Variants in COPE observed in about 807,000 individuals in gnomAD.
COPE encodes the protein coatomer subunit epsilon.
In COPE, 19 loss-of-function variants were observed where a neutral mutation model predicts 42.1. The ratio of observed to expected loss-of-function variants is 0.45; its 90% CI spans 0.31 to 0.66. The LOEUF (loss-of-function observed/expected upper bound fraction) is 0.66. Ranked by LOEUF, COPE falls within the 30% of genes least tolerant of loss-of-function variation. COPE has a pLI of 0.05. For missense variants in COPE, 402 were observed against 416.1 expected, an observed-to-expected ratio of 0.97 and a Z score of 0.30; for synonymous variants, 195 against 181.3, an observed-to-expected ratio of 1.08 and a Z score of -0.60.
At chr19:18,911,927 C>T (rs945771679) in intron 2 of COPE, among the ~76,000 whole-genome samples, 3 of 150,108 alleles carry the variant, frequency 2.0e-5, no homozygotes, top group South Asian at 2.1e-4. Flanking sequence ...CTCAGCTCAC[C>T]GAAACCTCTG....
In COPE at chr19:18,905,557, G is replaced by A; in HGVS notation, c.497+19C>T. On this transcript the variant is annotated intron_variant, in intron 5 of 9. Coordinates refer to ENST00000262812, the MANE Select transcript of COPE (RefSeq NM_007263.4). ...TGGGCTGTGGCTCAGTGCGGGTGGA[G>A]AGGGGCAGGAGGGCTCACCGGGCGA... The A allele has an allele frequency of 6.3e-7, 1 of 1,583,202 alleles. No individual in the cohort carries two copies.
At chr19:18,919,129 G>A (rs2056887578) in intron 1 of COPE, 94 bp downstream of exon 1, 5 of 1,405,294 alleles carry the variant, frequency 3.6e-6, no homozygotes, top group Non-Finnish European at 2.9e-6. Context: ...GAGAAGAAAA[G>A]AGAAAGTTTT....
chr19:18,900,994 C>T (rs1029822276), intron 7 of COPE, among the ~76,000 whole-genome samples: 1 of 152,240 alleles, frequency 6.6e-6, no homozygotes, highest in South Asian at 2.1e-4. Flanking sequence ...GACCTGCCCA[C>T]GGCGGCCCAT....
chr19:18,909,608 T>C (rs1053381529), intron 3 of COPE, among the ~76,000 whole-genome samples: 6 of 151,710 alleles, frequency 4.0e-5, no homozygotes, highest in Non-Finnish European at 8.8e-5. Context: ...AACCTCTGCC[T>C]GCCAGGTTCA....
At chr19:18,905,498 G>A (rs1403766977) in intron 5 of COPE, 78 bp downstream of exon 5, 3 of 1,311,556 alleles carry the variant, frequency 2.3e-6, no homozygotes, top group Non-Finnish European at 1.0e-6. Flanking sequence ...CACCACAGAC[G>A]CTCTGGGCTG....
chr19:18,911,357 G>C (rs968127523), intron 2 of COPE: 1 of 432,962 alleles, frequency 2.3e-6, no homozygotes, highest in African/African-American at 2.0e-5. Flanking sequence ...CTGGTGGTGA[G>C]GTGAAGGGCG....
At chr19:18,909,074 C>A (rs975741327) in intron 3 of COPE, among the ~76,000 whole-genome samples, 8 of 152,240 alleles carry the variant, frequency 5.3e-5, no homozygotes, top group African/African-American at 1.9e-4. Flanking sequence ...AATGAGGTCG[C>A]GGCTGTGCAG....
intron 3 of COPE, among the ~76,000 whole-genome samples, chr19:18,909,754 C>T (rs2056793511): frequency 6.6e-6 from 1 of 152,140 alleles, no homozygotes; most frequent in Admixed American, 6.5e-5. Flanking sequence ...CTCAGGTGAT[C>T]TGCCCACCTC....
At chr19:18,903,531 TGG>T in intron 6 of COPE, 108 bp from the exon 7 acceptor site, 1 of 1,308,460 alleles carries the variant, frequency 7.6e-7, no homozygotes. Context: ...GAGACGAATC[TGG>T]TGTGCCCGGT....
In COPE at chr19:18,905,885, GC is replaced by G. The variant is rs1158760896; in HGVS notation, c.444-257del. ...CACTCACCGCCCATCTGGAGAAGCA[GC>G]CTCCATGGGCTGTGCTTCCAGATGG... On this transcript the variant is annotated intron_variant, in intron 4 of 9. Transcript: ENST00000262812. 9.3e-6 allele frequency: 5 copies of G among 540,400 alleles called. No individual in the cohort carries two copies. The East Asian group carries it at 1.7e-4, about 18-fold the overall frequency. The allele number at this position is 540,400 out of a possible 1,614,324, so 33.5% of individuals were successfully genotyped here.
At chr19:18,906,243 G>A (rs934277913) in intron 4 of COPE, 2 of 301,916 alleles carry the variant, frequency 6.6e-6, no homozygotes, top group Non-Finnish European at 1.2e-5. Context: ...AGGCTGGAGT[G>A]CAGTGGCACC....
Position 18,899,721 on chromosome 19 carries a change from G to T in COPE, c.885C>A (p.Asn295Lys). The part of the protein sequence containing the change: ...PFIKEYQAKE[N>K]DFDRLVLQYA... ...ACTGTAGCACCAGCCTGTCAAAGTC[G>T]TTCTCCTTTAGCAAGACACATGGCA... Residue 295 changes from asparagine (N) to lysine (K), a missense_variant, in exon 10 of 10, where the codon AAC becomes AAA. Asn to Lys is a moderately conservative substitution (Grantham distance 94, BLOSUM62 0). Coordinates refer to ENST00000262812, the MANE Select transcript of COPE (RefSeq NM_007263.4). 1 of 1,613,768 alleles carries T rather than the reference G, an allele frequency of 6.2e-7. No individual in the cohort carries two copies.
At chr19:18,903,238 G>T (rs373544000) in intron 7 of COPE, 30 bp downstream of exon 7, 2 of 1,534,588 alleles carry the variant, frequency 1.3e-6, no homozygotes. Flanking sequence ...CCTTCCCTCC[G>T]TCCCCACTCT....
chr19:18,911,101 C>T, intron 2 of COPE, 30 bp from the exon 3 acceptor site: 13 of 1,578,658 alleles, frequency 8.2e-6, no homozygotes, highest in African/African-American at 4.0e-5. Flanking sequence ...TCAGCTGCAC[C>T]CGTCCACCCC....
intron 4 of COPE, 127 bp from the exon 5 acceptor site, chr19:18,905,756 G>A (rs1477113013): frequency 1.1e-5 from 10 of 896,078 alleles, no homozygotes; most frequent in South Asian, 6.5e-5. Flanking sequence ...CACCAGCCCC[G>A]CCCAGCAGAG....
At chr19:18,919,066 C>G (rs780222844) in intron 1 of COPE, among the ~76,000 whole-genome samples, 157 bp downstream of exon 1, 5 of 152,260 alleles carry the variant, frequency 3.3e-5, no homozygotes, top group Admixed American at 6.5e-5. Flanking sequence ...GGTTCTGTCA[C>G]GGGACAGTGA....
intron 4 of COPE, 138 bp from the exon 5 acceptor site, chr19:18,905,767 G>A: frequency 2.5e-6 from 2 of 784,964 alleles, no homozygotes; most frequent in Non-Finnish European, 4.0e-6. Context: ...CCCAGCAGAG[G>A]AGGACACCCT....
In COPE at chr19:18,905,652, G is replaced by C. The variant is rs753099907; in HGVS notation, c.444-23C>G. ...GTGCTGCAGGACAGGGCGAGGGGGC[G>C]GTCAGCGGGTCGCCACAGACACATT... is the stretch of plus-strand genomic sequence containing the variant. On this transcript the variant is annotated intron_variant, in intron 4 of 9. Coordinates refer to ENST00000262812, the MANE Select transcript of COPE (RefSeq NM_007263.4). The C allele has an allele frequency of 2.5e-6, 4 of 1,582,930 alleles. No individual in the cohort carries two copies. In the South Asian group the frequency reaches 4.6e-5, roughly 18 times the overall value.
intron 1 of COPE, 31 bp downstream of exon 1, chr19:18,919,192 C>T: frequency 6.3e-7 from 1 of 1,591,024 alleles, no homozygotes; most frequent in Non-Finnish European, 8.6e-7. Flanking sequence ...GCCTCCGCCC[C>T]CAGCGTCCCC....
Sources: allele counts gnomAD v4.1 joint callset (sites outside exome capture counted in the v4.1 genomes callset), GRCh38; gene constraint gnomAD v4.1.1; transcripts MANE v1.5; gene names NCBI Gene and HGNC (gene_info 2026-07-23, HGNC 2026-07-21).